Variants in CSMD3 observed in about 807,000 individuals in gnomAD.
CSMD3 encodes the protein CUB and sushi domain-containing protein 3.
CSMD3 carries 177 observed loss-of-function variants against 435.2 expected under a neutral mutation model. The ratio of observed to expected loss-of-function variants is 0.41; its 90% CI spans 0.36 to 0.46. The LOEUF (loss-of-function observed/expected upper bound fraction) is 0.46. Among genes scored for constraint, CSMD3 ranks in the 20% least tolerant of loss-of-function variants. The probability of loss-of-function intolerance (pLI) is 0.34; values close to 1 mark genes in which losing one functional copy is unlikely to be tolerated. For missense variants in CSMD3, 4,265 were observed against 4,504.6 expected (o/e 0.95, Z 1.52); for synonymous variants, 1,656 against 1,520.5 (o/e 1.09, Z -2.07).
In CSMD3 at chr8:112,830,936, G is replaced by C. The variant is rs369658281; in HGVS notation, c.1756-1147C>G. ...TGAGTACCTGGGACTACAGGTGCCC[G>C]CCACCATGCCTGGCTAATTTTTTTG... is the stretch of plus-strand genomic sequence containing the variant. On this transcript the variant is annotated intron_variant, in intron 11 of 70. Transcript: ENST00000297405. 3.2e-4 allele frequency among the ~76,000 whole-genome samples: 49 copies of C among 151,824 alleles called. 1 individual carries two copies. The East Asian group carries it at 6.8e-3, about 21-fold the overall frequency.
At chr8:113,020,211 G>GTAT (rs2086639810) in intron 5 of CSMD3, among the ~76,000 whole-genome samples, 2 of 149,244 alleles carry the variant, frequency 1.3e-5, no homozygotes, top group Admixed American at 6.7e-5. Flanking sequence ...ATTCTATAAT[G>GTAT]TATTAGAGGC....
At chr8:113,367,678 T>C (rs1264332054) in intron 1 of CSMD3, among the ~76,000 whole-genome samples, 1 of 152,090 alleles carries the variant, frequency 6.6e-6, no homozygotes, top group African/African-American at 2.4e-5. Flanking sequence ...TTTATATTTC[T>C]CAAACAAGCC....
chr8:113,210,239 G>C (rs926155168), intron 3 of CSMD3, among the ~76,000 whole-genome samples: 1 of 151,886 alleles, frequency 6.6e-6, no homozygotes, highest in Non-Finnish European at 1.5e-5. Context: ...AAATTTCAGC[G>C]TGATCCTGAA....
rs533153081 is a variant in CSMD3 at position 112,418,308 on chromosome 8, G to A, written c.5396-9276C>T. On this transcript the variant is annotated intron_variant, in intron 32 of 70. Transcript: ENST00000297405. ...TTAGGGTACATGTGCACAACGTGCA[G>A]GTTTGTTACATATGTATACATGTGT... is the stretch of plus-strand genomic sequence containing the variant. Among the ~76,000 whole-genome samples the A allele has an allele frequency of 2.0e-5, 3 of 152,154 alleles. No homozygotes were observed. In the East Asian group the frequency reaches 5.8e-4, roughly 29 times the overall value.
intron 3 of CSMD3, among the ~76,000 whole-genome samples, chr8:113,264,323 C>CT (rs1341206868): frequency 1.3e-5 from 2 of 151,288 alleles, no homozygotes; most frequent in African/African-American, 2.4e-5. Flanking sequence ...AATAATCACT[C>CT]TATCAAACTT....
intron 7 of CSMD3, among the ~76,000 whole-genome samples, chr8:112,971,993 T>G (rs2084674993): frequency 6.6e-6 from 1 of 152,082 alleles, no homozygotes; most frequent in Non-Finnish European, 1.5e-5. Context: ...TTCATTAATT[T>G]TACAGTTGTT....
chr8:112,437,583 G>A (rs1350724643), intron 32 of CSMD3, among the ~76,000 whole-genome samples: 1 of 151,802 alleles, frequency 6.6e-6, no homozygotes, highest in Non-Finnish European at 1.5e-5. Context: ...ATGTGTGTGT[G>A]TATGTATATA....
rs535750685 is a variant in CSMD3, at chr8:113,271,428, C to T, written c.514+7164G>A. Reference sequence around the variant, plus strand: ...TGCAGCCTAGGGACTTGGTGCTCTGCGTCCCAGCTGCTCCACCTGTTGCTA... The same window carrying T: ...TGCAGCCTAGGGACTTGGTGCTCTGTGTCCCAGCTGCTCCACCTGTTGCTA... On this transcript the variant is annotated intron_variant, in intron 3 of 70. Transcript: ENST00000297405. Among the ~76,000 whole-genome samples the T allele has an allele frequency of 4.8e-4, 73 of 152,236 alleles. 1 individual carries two copies. Among genetic ancestry groups the T allele is most frequent in the African/African-American group, 1.7e-3 (71 of 41,564 alleles).
At chr8:113,258,840 T>C (rs2093404359) in intron 3 of CSMD3, among the ~76,000 whole-genome samples, 1 of 152,072 alleles carries the variant, frequency 6.6e-6, no homozygotes, top group Non-Finnish European at 1.5e-5. Context: ...GGTCCAGGGA[T>C]GAGACGATAG....
intron 5 of CSMD3, among the ~76,000 whole-genome samples, chr8:113,086,036 G>A (rs1310702911): frequency 6.6e-6 from 1 of 152,024 alleles, no homozygotes; most frequent in Non-Finnish European, 1.5e-5. Flanking sequence ...AGGAGATGGA[G>A]GCCATACTGG....
rs535142161 is a variant in CSMD3, at chr8:113,194,247, T to C, written c.515-20331A>G. Among the ~76,000 whole-genome samples the C allele has an allele frequency of 1.7e-4, 25 of 151,404 alleles. 1 individual carries two copies. The South Asian group carries it at 3.5e-3, about 21-fold the overall frequency. ...ATAGACAAAACTACATAGTGAAATA[T>C]ACAAGATGCATTGCTATAATATGTA... On this transcript the variant is annotated intron_variant, in intron 3 of 70. Transcript: ENST00000297405.
At chr8:112,398,465 A>G (rs918237646) in intron 35 of CSMD3, among the ~76,000 whole-genome samples, 2 of 152,202 alleles carry the variant, frequency 1.3e-5, no homozygotes, top group Non-Finnish European at 2.9e-5. Context: ...TCCACAAGGC[A>G]ATGCTAAAGG....
chr8:113,195,657 A>T (rs899905957), intron 3 of CSMD3, among the ~76,000 whole-genome samples: 2 of 150,406 alleles, frequency 1.3e-5, no homozygotes, highest in African/African-American at 4.9e-5. Context: ...CACCATCATG[A>T]TGAGAAAGAA....
intron 38 of CSMD3, among the ~76,000 whole-genome samples, chr8:112,374,807 C>T (rs967187663): frequency 4.6e-5 from 7 of 152,144 alleles, no homozygotes; most frequent in African/African-American, 1.7e-4. Context: ...ATACAGTTAA[C>T]ACATTTCACA....
At chr8:112,459,203 CG>C (rs1817180681) in intron 32 of CSMD3, among the ~76,000 whole-genome samples, 1 of 152,024 alleles carries the variant, frequency 6.6e-6, no homozygotes, top group Non-Finnish European at 1.5e-5. Context: ...TCTCATCCTT[CG>C]ATTTTCAGCA....
At chr8:112,807,497 TA>T (rs1445773906) in intron 12 of CSMD3, among the ~76,000 whole-genome samples, 21 of 58,676 alleles carry the variant, frequency 3.6e-4, no homozygotes, top group African/African-American at 2.5e-3. Context: ...GATAGGTAGG[TA>T]GGTAGGTAGG....
intron 7 of CSMD3, among the ~76,000 whole-genome samples, chr8:112,968,170 G>T (rs1167364396): frequency 6.6e-6 from 1 of 151,746 alleles, no homozygotes; most frequent in East Asian, 1.9e-4. Context: ...TTCCTTGATG[G>T]TAGCATTGGC....
At chr8:112,657,013 C>G (rs563133514) in intron 17 of CSMD3, among the ~76,000 whole-genome samples, 33 of 151,068 alleles carry the variant, frequency 2.2e-4, no homozygotes, top group Non-Finnish European at 4.7e-4. Context: ...ATTAAACCCA[C>G]TTTCCAAGTA....
intron 22 of CSMD3, among the ~76,000 whole-genome samples, chr8:112,598,458 G>C (rs1338092797): frequency 6.7e-6 from 1 of 148,250 alleles, no homozygotes; most frequent in Non-Finnish European, 1.5e-5. Context: ...GTAATTTACA[G>C]ATTCAATGCC....
Sources: allele counts gnomAD v4.1 joint callset (sites outside exome capture counted in the v4.1 genomes callset), GRCh38; gene constraint gnomAD v4.1.1; transcripts MANE v1.5; gene names NCBI Gene and HGNC (gene_info 2026-07-23, HGNC 2026-07-21).